TENM1: variants seen among roughly 807,000 people sequenced by gnomAD.
TENM1 encodes the protein teneurin transmembrane protein 1.
Under a neutral mutation model 174.8 loss-of-function variants are expected in TENM1, and 35 were observed. The observed-to-expected ratio is 0.20, with a 90% confidence interval of 0.15 to 0.27. The LOEUF (loss-of-function observed/expected upper bound fraction) is 0.27. Ranked by LOEUF, TENM1 falls within the 10% of genes least tolerant of loss-of-function variation. The pLI, the probability that TENM1 is intolerant of heterozygous loss-of-function variation, is 1.00. For missense variants in TENM1, 1,633 were observed against 2,130.1 expected (o/e 0.77, Z 4.59); for synonymous variants, 781 against 798.7 (o/e 0.98, Z 0.37).
intron 20 of TENM1, among the ~76,000 whole-genome samples, chrX:124,492,479 G>T (rs1285126524): frequency 9.2e-6 from 1 of 109,072 alleles, no homozygotes; most frequent in Non-Finnish European, 1.9e-5. Context: ...ACACATATAG[G>T]CAACTGATCA....
At chrX:125,072,032 T>A in the TENM1 span, among the ~76,000 whole-genome samples, 1 of 111,497 alleles carries the variant, frequency 9.0e-6, no homozygotes, top group Non-Finnish European at 1.9e-5. Flanking sequence ...GAAACTTAAA[T>A]GACTTATTTA....
chrX:125,097,373 C>CT, the TENM1 span, among the ~76,000 whole-genome samples: 1 of 111,932 alleles, frequency 8.9e-6, no homozygotes, highest in African/African-American at 3.2e-5. Flanking sequence ...TATATTGTCT[C>CT]TATCGATTCT....
the TENM1 span, among the ~76,000 whole-genome samples, chrX:125,157,889 TGTTAAA>T: frequency 9.0e-6 from 1 of 111,636 alleles, no homozygotes; most frequent in Non-Finnish European, 1.9e-5. Context: ...ACTCACTAGC[TGTTAAA>T]GTTAAAAAGG....
At chrX:124,997,095 C>T in the TENM1 span, among the ~76,000 whole-genome samples, 2 of 110,921 alleles carry the variant, frequency 1.8e-5, no homozygotes, top group East Asian at 2.8e-4. Flanking sequence ...GTTCAGGGGA[C>T]GTACAAGAGA....
At chrX:124,671,005 A>G (rs1363278426) in intron 6 of TENM1, among the ~76,000 whole-genome samples, 1 of 111,484 alleles carries the variant, frequency 9.0e-6, no homozygotes, top group Admixed American at 9.6e-5. Context: ...TCCTATTTCA[A>G]TAAAAATATA....
chrX:125,060,702 A>G, the TENM1 span, among the ~76,000 whole-genome samples: 131 of 110,597 alleles, frequency 1.2e-3, no homozygotes, highest in African/African-American at 4.1e-3. Context: ...GTGGTTCTCT[A>G]AACACTGGCT....
intron 5 of TENM1, among the ~76,000 whole-genome samples, chrX:124,697,059 G>A (rs753925570): frequency 9.0e-6 from 1 of 111,414 alleles, no homozygotes; most frequent in Non-Finnish European, 1.9e-5. Flanking sequence ...AAATGAAATA[G>A]AAGCAAGAGT....
intron 3 of TENM1, among the ~76,000 whole-genome samples, chrX:124,836,995 G>A (rs181452156): frequency 1.8e-5 from 2 of 112,034 alleles, no homozygotes; most frequent in African/African-American, 3.2e-5. Context: ...TTATGTTCCT[G>A]GGCTTCTCAT....
chrX:124,855,991 G>C (rs1421968476), intron 3 of TENM1, among the ~76,000 whole-genome samples: 1 of 110,414 alleles, frequency 9.1e-6, no homozygotes, highest in Non-Finnish European at 1.9e-5. Context: ...CTTCTATTTA[G>C]GAGTTATGAA....
intron 15 of TENM1, among the ~76,000 whole-genome samples, chrX:124,543,647 G>T (rs969809021): frequency 1.8e-5 from 2 of 112,201 alleles, no homozygotes; most frequent in African/African-American, 6.5e-5. Flanking sequence ...AAAGTAATAA[G>T]TCGTACAGGG....
exon 4 of TENM1, chrX:124,737,027 T>C (rs774847643): frequency 1.7e-6 from 2 of 1,211,116 alleles, no homozygotes; most frequent in Non-Finnish European, 2.2e-6. Context: ...TGCGTGCTGG[T>C]TGGGGGAGCT....
chrX:124,791,650 A>ACATC (rs1297477296), intron 3 of TENM1, among the ~76,000 whole-genome samples: 4 of 111,856 alleles, frequency 3.6e-5, no homozygotes, highest in African/African-American at 9.7e-5. Flanking sequence ...CAATTATCAA[A>ACATC]CATCAAAAAT....
At chrX:125,101,022 T>C in the TENM1 span, among the ~76,000 whole-genome samples, 16 of 111,398 alleles carry the variant, frequency 1.4e-4, no homozygotes, top group African/African-American at 5.2e-4. Flanking sequence ...TCCTTAAATA[T>C]AGCAGATTCT....
At chrX:124,992,359 A>C in the TENM1 span, among the ~76,000 whole-genome samples, 3 of 110,619 alleles carry the variant, frequency 2.7e-5, no homozygotes, top group African/African-American at 9.9e-5. Context: ...TCAGAAAACA[A>C]CACCCCAAAA....
intron 3 of TENM1, among the ~76,000 whole-genome samples, chrX:124,774,366 T>C (rs2054731946): frequency 9.0e-6 from 1 of 111,029 alleles, no homozygotes; most frequent in Non-Finnish European, 1.9e-5. Flanking sequence ...TATAAAGAGA[T>C]GACAAATCTA....
intron 5 of TENM1, among the ~76,000 whole-genome samples, chrX:124,687,251 C>T (rs1289508409): frequency 3.6e-5 from 4 of 111,754 alleles, no homozygotes; most frequent in African/African-American, 1.3e-4. Context: ...ACCAATGGAA[C>T]AGAATGGAGA....
intron 21 of TENM1, among the ~76,000 whole-genome samples, chrX:124,482,836 T>C (rs1306716088): frequency 8.9e-6 from 1 of 112,181 alleles, no homozygotes; most frequent in Non-Finnish European, 1.9e-5. Context: ...ACCTTAGTTT[T>C]GGAGACATTT....
chrX:124,728,855 C>A (rs2148535336), intron 4 of TENM1, among the ~76,000 whole-genome samples: 1 of 111,948 alleles, frequency 8.9e-6, no homozygotes, highest in Admixed American at 9.5e-5. Context: ...AGTTCCTTAA[C>A]CTCTCTGTAC....
intron 21 of TENM1, among the ~76,000 whole-genome samples, 171 bp downstream of exon 24, chrX:124,487,038 T>C (rs1457785699): frequency 8.9e-6 from 1 of 112,251 alleles, no homozygotes; most frequent in East Asian, 2.8e-4. Flanking sequence ...TCCTACATAG[T>C]GGACCCTTCT....
Sources: gnomAD v4.1 joint callset for allele counts (sites outside exome capture counted in the v4.1 genomes callset) on GRCh38, gnomAD v4.1.1 for gene constraint, MANE v1.5 for transcripts, NCBI Gene and HGNC (gene_info 2026-07-23, HGNC 2026-07-21) for gene names.